SCFD2: variants seen among roughly 807,000 people sequenced by gnomAD.
SCFD2 encodes sec1 family domain-containing protein 2.
Under a neutral mutation model 58.9 loss-of-function variants are expected in SCFD2, and 54 were observed. The ratio of observed to expected loss-of-function variants is 0.92; its 90% CI spans 0.74 to 1.15. SCFD2 has a LOEUF of 1.15. Among genes scored for constraint, SCFD2 ranks in the 50% most tolerant of loss-of-function variants. The pLI is 0.00. For synonymous variants in SCFD2, 321 were observed against 335.9 expected, an observed-to-expected ratio of 0.96 and a Z score of 0.49; for missense variants, 805 against 836.6, an observed-to-expected ratio of 0.96 and a Z score of 0.47.
chr4:53,010,037 T>C (rs1722061926), intron 5 of SCFD2, among the ~76,000 whole-genome samples: 1 of 152,194 alleles, frequency 6.6e-6, no homozygotes, highest in Non-Finnish European at 1.5e-5. Context: ...TTTCATTTCC[T>C]CTCTGAGATT....
intron 5 of SCFD2, among the ~76,000 whole-genome samples, chr4:53,052,327 C>T (rs1464490232): frequency 6.6e-6 from 1 of 152,166 alleles, no homozygotes; most frequent in African/African-American, 2.4e-5. Context: ...CAGTTCTCAG[C>T]TTAACAAGAA....
intron 5 of SCFD2, among the ~76,000 whole-genome samples, chr4:52,940,967 G>T (rs1203368228): frequency 6.6e-6 from 1 of 151,992 alleles, no homozygotes; most frequent in Non-Finnish European, 1.5e-5. Flanking sequence ...TGATATATCA[G>T]CTCAGATGTC....
At chr4:53,220,564 CAGT>C (rs1313102625) in intron 4 of SCFD2, among the ~76,000 whole-genome samples, 8 of 151,528 alleles carry the variant, frequency 5.3e-5, no homozygotes, top group African/African-American at 1.9e-4. Context: ...ATATAAAATG[CAGT>C]CAGGTATTCA....
intron 3 of SCFD2, among the ~76,000 whole-genome samples, chr4:53,274,484 A>G (rs1262195268): frequency 6.6e-6 from 1 of 152,170 alleles, no homozygotes; most frequent in Admixed American, 6.5e-5. Context: ...TGAGTTCATG[A>G]CAATATTCGT....
intron 5 of SCFD2, among the ~76,000 whole-genome samples, chr4:53,097,446 G>A (rs1370083736): frequency 6.6e-6 from 1 of 152,042 alleles, no homozygotes; most frequent in Non-Finnish European, 1.5e-5. Flanking sequence ...TTGTAAATTG[G>A]ATTCCTAGGT....
chr4:53,163,796 C>T (rs1018337287), intron 4 of SCFD2, among the ~76,000 whole-genome samples: 11 of 152,082 alleles, frequency 7.2e-5, no homozygotes, highest in South Asian at 4.1e-4. Flanking sequence ...GACTCTTTAA[C>T]GGTTAAATTT....
intron 4 of SCFD2, among the ~76,000 whole-genome samples, chr4:53,228,499 TA>T (rs1339765520): frequency 5.9e-5 from 9 of 152,144 alleles, no homozygotes; most frequent in African/African-American, 1.9e-4. Context: ...GAAGATAAAA[TA>T]GATACAAACG....
chr4:52,953,735 C>T (rs1720652077), intron 5 of SCFD2, among the ~76,000 whole-genome samples: 1 of 152,132 alleles, frequency 6.6e-6, no homozygotes, highest in Admixed American at 6.5e-5. Flanking sequence ...TACCAAGGGA[C>T]TTACATTAGA....
intron 4 of SCFD2, among the ~76,000 whole-genome samples, chr4:53,182,428 G>T (rs1477749384): frequency 1.3e-5 from 2 of 152,192 alleles, no homozygotes; most frequent in East Asian, 3.8e-4. Context: ...AATAAATGGT[G>T]CTGGGAAAAC....
At chr4:52,931,720 G>A (rs561066964) in intron 5 of SCFD2, among the ~76,000 whole-genome samples, 138 of 152,332 alleles carry the variant, frequency 9.1e-4, no homozygotes, top group African/African-American at 3.2e-3. Context: ...CAGAATGAAT[G>A]GGCCAGTCCA....
chr4:53,181,190 A>G (rs572383906), intron 4 of SCFD2, among the ~76,000 whole-genome samples: 1 of 152,352 alleles, frequency 6.6e-6, no homozygotes, highest in Admixed American at 6.5e-5. Context: ...AAAGCCTGGC[A>G]GAGACACAAC....
rs552900506 is a variant in SCFD2, at chr4:53,040,593, T to C, written c.1561+104740A>G. ...TTAATGTAGATACTTTGCTTTGCTC[T>C]ATTTGTCTAAAAATTTCCGAGGAAT... On this transcript the variant is annotated intron_variant, in intron 5 of 8. Coordinates refer to ENST00000401642, the MANE Select transcript of SCFD2 (RefSeq NM_152540.4). 2.7e-4 allele frequency among the ~76,000 whole-genome samples: 41 copies of C among 152,266 alleles called. No individual in the cohort carries two copies. In the East Asian group the frequency reaches 4.8e-3, roughly 18 times the overall value.
chr4:53,287,878 CAA>C (rs898667186), intron 3 of SCFD2, among the ~76,000 whole-genome samples: 1 of 151,802 alleles, frequency 6.6e-6, no homozygotes, highest in African/African-American at 2.4e-5. Flanking sequence ...AGAAATTCAA[CAA>C]AGAGATAAAA....
At chr4:53,293,806 C>A (rs1448351892) in intron 3 of SCFD2, among the ~76,000 whole-genome samples, 15 of 151,806 alleles carry the variant, frequency 9.9e-5, no homozygotes, top group Non-Finnish European at 1.8e-4. Context: ...TAGGTATACA[C>A]GTGCCATGGT....
At chr4:53,243,695 G>GAA (rs147983882) in intron 4 of SCFD2, among the ~76,000 whole-genome samples, 85 of 142,292 alleles carry the variant, frequency 6.0e-4, no homozygotes, top group African/African-American at 1.9e-3. Flanking sequence ...AAGCTGGAAA[G>GAA]AAAAAAAAAA....
intron 5 of SCFD2, among the ~76,000 whole-genome samples, chr4:53,000,574 T>TA (rs1303643367): frequency 6.6e-6 from 1 of 152,232 alleles, no homozygotes; most frequent in Non-Finnish European, 1.5e-5. Flanking sequence ...AGGGGATCCA[T>TA]AAGCTGAGTC....
At chr4:53,335,191 T>A (rs1279289226) in intron 2 of SCFD2, among the ~76,000 whole-genome samples, 3 of 35,222 alleles carry the variant, frequency 8.5e-5, no homozygotes, top group African/African-American at 1.0e-4. Flanking sequence ...TGAGACTCCG[T>A]CTCAAAAAAA....
Position 53,365,670 on chromosome 4 carries a change from T to G in SCFD2, c.272A>C (p.Asp91Ala). ...CTGGAAGTGACTGCGGCAGATGATG[T>G]CCCGTAGGATCTCCACGGTCCGGCC... is the stretch of plus-strand genomic sequence containing the variant. Reference protein sequence around the residue: ...LKGRTVEILRDIICRSHFQYC... With the variant: ...LKGRTVEILRAIICRSHFQYC... The change falls in exon 1 of 9, where the codon GAC (aspartate) becomes GCC (alanine). Residue 91 changes from aspartate to alanine, a missense_variant. By Grantham distance (126) the Asp-to-Ala change is moderately radical (BLOSUM62 -2). Transcript: ENST00000401642. This position sits in a 1 kb window ranked among gnomAD's most constrained non-coding sequence, Gnocchi z 4.3. 6.2e-7 allele frequency: 1 copy of G among 1,614,152 alleles called. No individual in the cohort carries two copies. The highest frequency in any genetic ancestry group is 8.5e-7 in the Non-Finnish European group (1 of 1,180,034).
rs73145365 is a variant in SCFD2 at position 53,192,187 on chromosome 4, C to T, written c.1312-46605G>A. ...GAACTAAAGAGTAGTTGCCCCTTGA[C>T]ACTAGGCACCTGTTTTCAGGTTCAC... is the stretch of plus-strand genomic sequence containing the variant. On this transcript the variant is annotated intron_variant, in intron 4 of 8. Coordinates refer to ENST00000401642, the MANE Select transcript of SCFD2 (RefSeq NM_152540.4). Among the ~76,000 whole-genome samples the T allele has an allele frequency of 8.9e-3, 1,351 of 152,248 alleles. 16 individuals are homozygous for T. The highest frequency in any genetic ancestry group is 0.031 in the African/African-American group (1,276 of 41,552).
Sources: allele counts gnomAD v4.1 joint callset (sites outside exome capture counted in the v4.1 genomes callset), GRCh38; gene constraint gnomAD v4.1.1; non-coding constraint Gnocchi (gnomAD v3.1); transcripts MANE v1.5; gene names NCBI Gene and HGNC (gene_info 2026-07-23, HGNC 2026-07-21).